NAALADL2: variants seen among roughly 807,000 people sequenced by gnomAD.
The protein encoded by NAALADL2 is inactive N-acetylated-alpha-linked acidic dipeptidase-like protein 2.
A neutral mutation model predicts 87.2 loss-of-function variants in NAALADL2; 76 were observed. The ratio of observed to expected loss-of-function variants is 0.87; its 90% CI spans 0.72 to 1.05. NAALADL2 has a LOEUF of 1.05. Ranked by LOEUF, NAALADL2 falls within the 50% of genes least tolerant of loss-of-function variation. The pLI is 0.00. For missense variants in NAALADL2, 1,089 were observed against 945.8 expected (o/e 1.15, Z -1.99); for synonymous variants, 354 against 331.0 (o/e 1.07, Z -0.75).
At chr3:175,188,062 C>G (rs1737607284) in intron 2 of NAALADL2, among the ~76,000 whole-genome samples, 1 of 152,100 alleles carries the variant, frequency 6.6e-6, no homozygotes, top group Non-Finnish European at 1.5e-5. Flanking sequence ...GTGAGAAAGG[C>G]TTAATGCTCC....
chr3:175,590,854 T>C (rs1474812670), intron 10 of NAALADL2, among the ~76,000 whole-genome samples: 1 of 152,166 alleles, frequency 6.6e-6, no homozygotes, highest in East Asian at 1.9e-4. Context: ...TTCAAGGACA[T>C]AGTTTGAAAA....
At position 175,408,234 on chromosome 3, in the gene NAALADL2, C is replaced by T. The variant is rs62288023; in HGVS notation, c.1091-38995C>T. Among the ~76,000 whole-genome samples the T allele has an allele frequency of 4.1e-3, 621 of 152,032 alleles. 1 individual carries two copies. Among genetic ancestry groups the T allele is most frequent in the Non-Finnish European group, 7.3e-3 (496 of 67,920 alleles). ...TCTGCATGATGACTTCAGTTAATAG[C>T]AATGCATTGTATATTTCAAAATTGA... On this transcript the variant is annotated intron_variant, in intron 5 of 13. Coordinates refer to ENST00000454872, the MANE Select transcript of NAALADL2 (RefSeq NM_207015.3).
chr3:175,800,088 G>A (rs1313107030), intron 13 of NAALADL2, among the ~76,000 whole-genome samples: 2 of 152,152 alleles, frequency 1.3e-5, no homozygotes, highest in African/African-American at 4.8e-5. Context: ...GAGGCCTGGA[G>A]CAGTTGTGTG....
At chr3:174,804,082 T>C (rs1381910404) in intron 3 of NAALADL2, among the ~76,000 whole-genome samples, 1 of 152,194 alleles carries the variant, frequency 6.6e-6, no homozygotes, top group Non-Finnish European at 1.5e-5. Context: ...TTCACAATAT[T>C]GATTCTTCCT....
chr3:175,261,749 T>G (rs1261908718), intron 4 of NAALADL2, among the ~76,000 whole-genome samples: 3 of 152,020 alleles, frequency 2.0e-5, no homozygotes, highest in Non-Finnish European at 2.9e-5. Flanking sequence ...AAATGAAACA[T>G]TTTTGTGTAT....
rs1553781595 is a variant in NAALADL2 at position 175,810,088 on chromosome 3, C to T, written c.*6885C>T. On this transcript the variant is annotated 3_prime_UTR_variant, in exon 14 of 14. Transcript: ENST00000454872. The stretch of plus-strand genomic sequence containing the variant: ...AAATCTTTTCATTGTACAGAGATTT[C>T]ATTGTCATTGTCGTTGTTGTTAACT... The T allele has an allele frequency of 1.3e-5, 2 of 151,906 alleles. No individual in the cohort carries two copies. The highest frequency in any genetic ancestry group is 4.8e-5 in the African/African-American group (2 of 41,388). The allele number at this position is 151,906 out of a possible 1,614,324, so 9.4% of individuals were successfully genotyped here.
At chr3:174,993,256 G>A (rs1189975825) in intron 1 of NAALADL2, among the ~76,000 whole-genome samples, 46 of 151,988 alleles carry the variant, frequency 3.0e-4, no homozygotes, top group Non-Finnish European at 1.3e-4. Context: ...GAGTTATAAG[G>A]ATTCAAAGGG....
intron 9 of NAALADL2, among the ~76,000 whole-genome samples, chr3:175,552,038 A>G (rs912291638): frequency 6.6e-6 from 1 of 152,032 alleles, no homozygotes; most frequent in Non-Finnish European, 1.5e-5. Context: ...TATATTATCT[A>G]ATTTCTTGGC....
intron 5 of NAALADL2, among the ~76,000 whole-genome samples, chr3:175,405,597 T>C (rs1407416073): frequency 6.6e-6 from 1 of 152,224 alleles, no homozygotes; most frequent in Non-Finnish European, 1.5e-5. Context: ...TTCTAATATA[T>C]TTTCTTTCAA....
chr3:175,346,751 C>T (rs575805452), intron 5 of NAALADL2, among the ~76,000 whole-genome samples: 3 of 152,064 alleles, frequency 2.0e-5, no homozygotes, highest in Admixed American at 2.0e-4. Context: ...AAACTGAGGT[C>T]GAGAGGGTTA....
chr3:174,890,201 T>C (rs1000382605), intron 1 of NAALADL2, among the ~76,000 whole-genome samples: 3 of 152,168 alleles, frequency 2.0e-5, no homozygotes, highest in Non-Finnish European at 1.5e-5. Context: ...AATTTCTGCA[T>C]TTGACATTAT....
At chr3:175,443,872 A>G (rs532496525) in intron 5 of NAALADL2, among the ~76,000 whole-genome samples, 3 of 152,266 alleles carry the variant, frequency 2.0e-5, no homozygotes, top group African/African-American at 7.2e-5. Context: ...AGGTGCAGAT[A>G]TAGCACACAG....
intron 5 of NAALADL2, among the ~76,000 whole-genome samples, chr3:175,352,425 A>T (rs922641773): frequency 6.6e-6 from 1 of 152,110 alleles, no homozygotes; most frequent in Non-Finnish European, 1.5e-5. Flanking sequence ...TGTCAAATTC[A>T]CTATCCCAAA....
chr3:174,971,665 C>CTG (rs10662918), intron 1 of NAALADL2, among the ~76,000 whole-genome samples: 9,588 of 144,564 alleles, frequency 0.066, 438 homozygotes, highest in East Asian at 0.16. Context: ...GTATGCTAGA[C>CTG]TGTGTGTGTG....
At chr3:175,004,244 A>T (rs543945708) in intron 1 of NAALADL2, among the ~76,000 whole-genome samples, 1 of 152,066 alleles carries the variant, frequency 6.6e-6, no homozygotes, top group South Asian at 2.1e-4. Context: ...AAATAAATAA[A>T]TAATTAGCTG....
At chr3:174,660,223 C>G (rs1200737315) in intron 2 of NAALADL2, among the ~76,000 whole-genome samples, 1 of 152,074 alleles carries the variant, frequency 6.6e-6, no homozygotes, top group Non-Finnish European at 1.5e-5. Context: ...AATGATTACA[C>G]TTGCAAATTT....
intron 2 of NAALADL2, among the ~76,000 whole-genome samples, chr3:174,552,738 G>T (rs967295032): frequency 2.8e-5 from 4 of 143,470 alleles, no homozygotes; most frequent in African/African-American, 1.0e-4. Flanking sequence ...TGAGGCTGCA[G>T]TGAGGTGAGA....
chr3:175,166,905 C>A (rs888171153), intron 2 of NAALADL2, among the ~76,000 whole-genome samples: 2 of 152,082 alleles, frequency 1.3e-5, no homozygotes, highest in African/African-American at 4.8e-5. Context: ...AGATCACCTT[C>A]CACCCAGCTG....
At chr3:174,444,747 G>A (rs905266130) in intron 1 of NAALADL2, among the ~76,000 whole-genome samples, 3 of 152,146 alleles carry the variant, frequency 2.0e-5, no homozygotes, top group African/African-American at 7.2e-5. Context: ...GAACAGTGTT[G>A]TCACCAGTGG....
Sources: gnomAD v4.1 joint callset for allele counts (sites outside exome capture counted in the v4.1 genomes callset) on GRCh38, gnomAD v4.1.1 for gene constraint, MANE v1.5 for transcripts, NCBI Gene and HGNC (gene_info 2026-07-23, HGNC 2026-07-21) for gene names.